SCP2: variants seen among roughly 807,000 people sequenced by gnomAD.
SCP2 encodes the protein sterol carrier protein 2.
SCP2 carries 48 observed loss-of-function variants against 71.4 expected under a neutral mutation model. That is an observed-to-expected ratio of 0.67 (90% CI 0.53 to 0.86). The LOEUF (loss-of-function observed/expected upper bound fraction) is 0.86, where lower values mean the gene tolerates loss of function less well. Among genes scored for constraint, SCP2 ranks in the 40% least tolerant of loss-of-function variants. The probability of loss-of-function intolerance (pLI) is 0.00; values close to 1 mark genes in which losing one functional copy is unlikely to be tolerated. For missense variants in SCP2, 560 were observed against 655.6 expected (o/e 0.85, Z 1.59); for synonymous variants, 220 against 218.1 (o/e 1.01, Z -0.08).
intron 4 of SCP2, 79 bp from the exon 5 acceptor site, chr1:52,954,661 A>G (rs1311283743): frequency 1.7e-6 from 2 of 1,144,310 alleles, no homozygotes; most frequent in East Asian, 4.7e-5. Flanking sequence ...TGACGTACTT[A>G]TTTGAATTGA....
At chr1:52,984,709 G>A (rs558371425) in intron 10 of SCP2, among the ~76,000 whole-genome samples, 58 of 148,960 alleles carry the variant, frequency 3.9e-4, no homozygotes, top group Admixed American at 1.1e-3. Flanking sequence ...AGCTAATTTT[G>A]TATTTTTAGT....
At chr1:52,990,424 T>C (rs1659371064) in intron 11 of SCP2, among the ~76,000 whole-genome samples, 1 of 151,858 alleles carries the variant, frequency 6.6e-6, no homozygotes, top group Non-Finnish European at 1.5e-5. Context: ...AAGGAAACCA[T>C]ATATAAAGAA....
At chr1:53,015,786 A>G (rs544771920) in intron 12 of SCP2, among the ~76,000 whole-genome samples, 2 of 152,000 alleles carry the variant, frequency 1.3e-5, no homozygotes, top group Admixed American at 1.3e-4. Flanking sequence ...ATGTTGAGCC[A>G]CCTTTATTTT....
At chr1:52,953,412 C>T (rs1305403938) in intron 4 of SCP2, among the ~76,000 whole-genome samples, 1 of 152,056 alleles carries the variant, frequency 6.6e-6, no homozygotes, top group African/African-American at 2.4e-5. Flanking sequence ...ATGATCTCAG[C>T]TCCTGCCACC....
At chr1:53,014,363 C>T (rs572814849) in intron 11 of SCP2, among the ~76,000 whole-genome samples, 31 of 152,268 alleles carry the variant, frequency 2.0e-4, no homozygotes, top group Middle Eastern at 3.4e-3. Flanking sequence ...GTGTTTACAT[C>T]AGTAAGTTCC....
At chr1:52,931,178 G>A (rs1242329) in intron 1 of SCP2, among the ~76,000 whole-genome samples, 96,732 of 151,778 alleles carry the variant, frequency 0.64, 32,522 homozygotes, top group African/African-American at 0.84. Flanking sequence ...TATATCGGAA[G>A]ATTTTTGGAA....
chr1:52,947,241 T>TAA (rs34249724), intron 2 of SCP2, among the ~76,000 whole-genome samples: 1,109 of 54,420 alleles, frequency 0.02, 64 homozygotes, highest in Non-Finnish European at 0.024. Context: ...ATGTTGTCCT[T>TAA]AAAAAAAAAA....
intron 14 of SCP2, among the ~76,000 whole-genome samples, chr1:53,042,349 T>A (rs904763407): frequency 2.6e-5 from 4 of 151,982 alleles, no homozygotes; most frequent in East Asian, 3.8e-4. Context: ...GTTTTTTTTT[T>A]AATTTCTCCT....
At chr1:52,994,113 A>G in intron 11 of SCP2, 1 of 1,066,722 alleles carries the variant, frequency 9.4e-7, no homozygotes, top group Non-Finnish European at 1.1e-6. Flanking sequence ...TGGTAAATAG[A>G]CTAAACTGTT....
intron 10 of SCP2, among the ~76,000 whole-genome samples, chr1:52,987,645 G>T (rs940707826): frequency 6.6e-6 from 1 of 151,920 alleles, no homozygotes; most frequent in Non-Finnish European, 1.5e-5. Context: ...TACTTATATA[G>T]TATATAGCAG....
chr1:52,985,880 C>T (rs1266742845), intron 10 of SCP2, among the ~76,000 whole-genome samples: 2 of 152,320 alleles, frequency 1.3e-5, no homozygotes, highest in African/African-American at 2.4e-5. Context: ...GAAATATAAA[C>T]CACTCACCTC....
In SCP2 at chr1:52,934,592, C is replaced by CTTTTTTTTTTTTTT. The variant is rs771433635; in HGVS notation, c.69+7152_69+7165dup. On this transcript the variant is annotated intron_variant, in intron 1 of 15. Coordinates refer to ENST00000371514, the MANE Select transcript of SCP2 (RefSeq NM_002979.5). ...GTTTCAAATTCTACATTCCAGCTAA[C>CTTTTTTTTTTTTTT]TTTTTTTTTTTTTTTTTTTTTTTTT... Among the ~76,000 whole-genome samples the CTTTTTTTTTTTTTT allele has an allele frequency of 1.7e-3, 48 of 29,056 alleles. 18 individuals are homozygous for CTTTTTTTTTTTTTT. The highest frequency in any genetic ancestry group is 2.5e-3 in the Non-Finnish European group (36 of 14,470). 19.1% of individuals were successfully genotyped at this position (29,056 alleles called of 152,430 possible). A position where few individuals can be genotyped will look rare whatever the true frequency, so the allele number is the denominator to read the frequency against.
chr1:52,943,300 G>A (rs1210769038), intron 2 of SCP2, among the ~76,000 whole-genome samples: 3 of 150,728 alleles, frequency 2.0e-5, no homozygotes, highest in Non-Finnish European at 4.4e-5. Context: ...TCGGCTCACT[G>A]CAAGCTCCGC....
Position 53,015,139 on chromosome 1 carries a change from T to C in SCP2, c.1235+96T>C, listed in dbSNP as rs866590262. 4.1e-6 allele frequency: 5 copies of C among 1,218,258 alleles called. 1 individual carries two copies. In the Middle Eastern group the frequency reaches 1.0e-3, roughly 243 times the overall value. 75.5% of individuals were successfully genotyped at this position (1,218,258 alleles called of 1,614,324 possible). On this transcript the variant is annotated intron_variant, in intron 12 of 15. Transcript: ENST00000371514. ...GTAAAAATTTCTTATTTTATTGTCT[T>C]AGTATTTAAGGAAAAGTATCTCATT...
chr1:52,948,703 G>C (rs889540685), intron 3 of SCP2, among the ~76,000 whole-genome samples: 1 of 151,142 alleles, frequency 6.6e-6, no homozygotes, highest in African/African-American at 2.4e-5. Flanking sequence ...CCTTTTAATG[G>C]ATATTTAAAA....
chr1:53,017,392 C>T (rs1329552495), intron 12 of SCP2, among the ~76,000 whole-genome samples: 1 of 152,206 alleles, frequency 6.6e-6, no homozygotes, highest in Non-Finnish European at 1.5e-5. Flanking sequence ...CTGGCAACCA[C>T]TGATCTGTTT....
At chr1:52,958,901 G>C (rs1656068889) in intron 5 of SCP2, among the ~76,000 whole-genome samples, 1 of 152,006 alleles carries the variant, frequency 6.6e-6, no homozygotes, top group Non-Finnish European at 1.5e-5. Flanking sequence ...ATGTCCGCAA[G>C]GGTGTTGGTT....
intron 15 of SCP2, chr1:53,049,431 G>A (rs1664059284): frequency 6.6e-6 from 1 of 152,168 alleles, no homozygotes; most frequent in Admixed American, 6.5e-5. Flanking sequence ...GTTAAATGCA[G>A]TGGAAATTCT....
At chr1:52,975,109 C>T (rs957728923) in intron 7 of SCP2, among the ~76,000 whole-genome samples, 4 of 151,944 alleles carry the variant, frequency 2.6e-5, no homozygotes, top group Non-Finnish European at 4.4e-5. Context: ...AGTGCAGTGG[C>T]GTGATCTCGG....
Sources: allele counts gnomAD v4.1 joint callset (sites outside exome capture counted in the v4.1 genomes callset), GRCh38; gene constraint gnomAD v4.1.1; transcripts MANE v1.5; gene names NCBI Gene and HGNC (gene_info 2026-07-23, HGNC 2026-07-21).